EIF3B: variants seen among roughly 807,000 people sequenced by gnomAD.
The protein encoded by EIF3B is eukaryotic translation initiation factor 3 subunit 9.
A neutral mutation model predicts 104.6 loss-of-function variants in EIF3B; 10 were observed. The observed-to-expected ratio is 0.10, with a 90% CI of 0.06 to 0.16. EIF3B has a LOEUF of 0.16. EIF3B is among the 10% of genes least tolerant of loss of function. EIF3B has a pLI of 1.00. For synonymous variants in EIF3B, 542 were observed against 417.2 expected (o/e 1.30, Z -3.65); for missense variants, 1,014 against 1,087.9 (o/e 0.93, Z 0.96).
At chr7:2,365,783 C>T (rs557825687) in intron 6 of EIF3B, among the ~76,000 whole-genome samples, 56 of 150,500 alleles carry the variant, frequency 3.7e-4, no homozygotes, top group Non-Finnish European at 7.8e-4. Context: ...TCAAGCTATT[C>T]TCCTGCCTCA....
At chr7:2,360,419 A>G (rs1346400812) in intron 1 of EIF3B, among the ~76,000 whole-genome samples, 1 of 152,202 alleles carries the variant, frequency 6.6e-6, no homozygotes, top group Non-Finnish European at 1.5e-5. Context: ...TGCATTGTGC[A>G]TTGTTAAAAG....
intron 1 of EIF3B, among the ~76,000 whole-genome samples, chr7:2,357,634 TTCTTTC>T (rs1381095804): frequency 6.6e-6 from 1 of 152,228 alleles, no homozygotes; most frequent in Non-Finnish European, 1.5e-5. Context: ...TCATTAACTA[TTCTTTC>T]TCTTTCTATT....
chr7:2,372,593 A>AATAGTGAAC, intron 11 of EIF3B, 80 bp from the exon 12 acceptor site: 1 of 1,521,054 alleles, frequency 6.6e-7, no homozygotes, highest in African/African-American at 1.4e-5. Flanking sequence ...TCTGTGGTTG[A>AATAGTGAAC]ATAGTGAACA....
At chr7:2,365,373 G>C (rs1660435586) in intron 6 of EIF3B, among the ~76,000 whole-genome samples, 1 of 152,030 alleles carries the variant, frequency 6.6e-6, no homozygotes, top group Admixed American at 6.5e-5. Context: ...GTGGAAGGCA[G>C]TGTGAGGCGA....
At position 2,375,573 on chromosome 7, in the gene EIF3B, A is replaced by T. The variant is rs746509681; in HGVS notation, c.2028+46A>T. ...GTTTTGACTGTGGATAGAAGCAGGG[A>T]GTGCTGGCTAGCTGCTGACTCTGGT... On this transcript the variant is annotated intron_variant, in intron 14 of 18. Transcript: ENST00000360876. 5 of 1,611,852 alleles carry T rather than the reference A, an allele frequency of 3.1e-6. No individual in the cohort carries two copies. The Admixed American group carries it at 8.3e-5, about 27-fold the overall frequency.
chr7:2,376,804 C>G, intron 14 of EIF3B, 146 bp from the exon 15 acceptor site: 1 of 1,235,548 alleles, frequency 8.1e-7, no homozygotes, highest in Non-Finnish European at 1.1e-6. Flanking sequence ...GACTGCCCAC[C>G]TACCCTGCTG....
chr7:2,376,887 A>G (rs1780659432), intron 14 of EIF3B, 63 bp from the exon 15 acceptor site: 1 of 1,568,642 alleles, frequency 6.4e-7, no homozygotes, highest in African/African-American at 1.4e-5. Context: ...TCAGCAAGTG[A>G]CATAGTCACG....
At chr7:2,379,080 G>C in intron 16 of EIF3B, 54 bp from the exon 17 acceptor site, 2 of 1,527,950 alleles carry the variant, frequency 1.3e-6, no homozygotes, top group South Asian at 1.1e-5. Flanking sequence ...GGCTCTTCGC[G>C]ATGGGGAGGC....
rs538320567 is a variant in EIF3B at position 2,363,278 on chromosome 7, C to A, written c.870+151C>A. 1.4e-5 allele frequency: 11 copies of A among 766,930 alleles called. No individual in the cohort carries two copies. The Middle Eastern group carries it at 8.2e-4, about 57-fold the overall frequency. 47.5% of individuals were successfully genotyped at this position (766,930 alleles called of 1,614,324 possible). A position where few individuals can be genotyped will look rare whatever the true frequency, so the allele number is the denominator to read the frequency against. On this transcript the variant is annotated intron_variant, in intron 4 of 18. Transcript: ENST00000360876. Reference sequence around the variant, plus strand: ...GACCAGCCTGGGCAACAAAGTGAGACCCCCGCCTCTACAAAAAGTAAATAA... The same window carrying A: ...GACCAGCCTGGGCAACAAAGTGAGAACCCCGCCTCTACAAAAAGTAAATAA...
chr7:2,360,201 C>T (rs1779655439), intron 1 of EIF3B, among the ~76,000 whole-genome samples: 1 of 152,128 alleles, frequency 6.6e-6, no homozygotes, highest in Non-Finnish European at 1.5e-5. Flanking sequence ...TGAATAATTT[C>T]TGGTAATTTG....
intron 15 of EIF3B, among the ~76,000 whole-genome samples, chr7:2,377,427 G>A (rs1397487341): frequency 1.2e-4 from 18 of 152,238 alleles, no homozygotes; most frequent in African/African-American, 4.3e-4. Flanking sequence ...CAAAGAGGAG[G>A]GTTAAATCCC....
intron 15 of EIF3B, chr7:2,378,215 A>G (rs1780770935): frequency 7.3e-6 from 1 of 136,246 alleles, no homozygotes; most frequent in African/African-American, 3.2e-5. Context: ...GTGTTGTGTG[A>G]ATGACCCTGG....
At chr7:2,375,216 C>T in intron 13 of EIF3B, 173 bp from the exon 14 acceptor site, 3 of 685,246 alleles carry the variant, frequency 4.4e-6, no homozygotes, top group Admixed American at 2.4e-5. Context: ...GCACACTCTG[C>T]ATCTGTGATT....
chr7:2,359,785 T>A (rs1779635985), intron 1 of EIF3B, among the ~76,000 whole-genome samples: 1 of 152,134 alleles, frequency 6.6e-6, no homozygotes, highest in African/African-American at 2.4e-5. Context: ...TCCTGGTAGA[T>A]AGTGTCTGAA....
intron 1 of EIF3B, among the ~76,000 whole-genome samples, chr7:2,355,706 A>G (rs1779383515): frequency 6.6e-6 from 1 of 152,188 alleles, no homozygotes; most frequent in South Asian, 2.1e-4. Flanking sequence ...GGGAGAGGGC[A>G]CATGGGGTAC....
chr7:2,359,549 A>G (rs1039098347), intron 1 of EIF3B, among the ~76,000 whole-genome samples: 12 of 152,150 alleles, frequency 7.9e-5, no homozygotes, highest in African/African-American at 2.4e-4. Context: ...CTTTTCGTCT[A>G]TATCCTCTGT....
chr7:2,358,737 C>T (rs1227738149), intron 1 of EIF3B, among the ~76,000 whole-genome samples: 1 of 152,004 alleles, frequency 6.6e-6, no homozygotes, highest in Admixed American at 6.6e-5. Flanking sequence ...CCATGTTGGC[C>T]AGGCTGGTCT....
chr7:2,369,215 C>T (rs773464764), intron 9 of EIF3B, among the ~76,000 whole-genome samples: 35 of 152,134 alleles, frequency 2.3e-4, no homozygotes, highest in African/African-American at 6.3e-4. Flanking sequence ...TGAGTCTGTG[C>T]GTGATGGTGG....
intron 13 of EIF3B, 47 bp from the exon 14 acceptor site, chr7:2,375,342 G>C (rs376199660): frequency 1.9e-6 from 3 of 1,606,978 alleles, no homozygotes; most frequent in Non-Finnish European, 2.6e-6. Flanking sequence ...GGGATGCCAG[G>C]AGGTATGCGT....
Sources: gnomAD v4.1 joint callset for allele counts (sites outside exome capture counted in the v4.1 genomes callset) on GRCh38, gnomAD v4.1.1 for gene constraint, MANE v1.5 for transcripts, NCBI Gene and HGNC (gene_info 2026-07-23, HGNC 2026-07-21) for gene names.